SYCE1: variants seen among roughly 807,000 people sequenced by gnomAD.
SYCE1 encodes the protein cancer/testis antigen 76.
In SYCE1, 37 loss-of-function variants were observed where a neutral mutation model predicts 55.1. The observed-to-expected ratio is 0.67, with a 90% CI of 0.52 to 0.88. The LOEUF is 0.88. SYCE1 is among the 40% of genes least tolerant of loss of function. SYCE1 has a pLI of 0.00. For synonymous variants in SYCE1, 163 were observed against 159.4 expected, an observed-to-expected ratio of 1.02 and a Z score of -0.17; for missense variants, 399 against 416.4, an observed-to-expected ratio of 0.96 and a Z score of 0.36.
chr10:133,557,791 C>G, intron 6 of SYCE1, 73 bp downstream of exon 6: 3 of 1,542,068 alleles, frequency 1.9e-6, no homozygotes, highest in Non-Finnish European at 2.7e-6. Context: ...GTCTCAGATT[C>G]ATCTTCCTGC....
At chr10:133,564,219 G>A (rs1479039105) in intron 1 of SYCE1, among the ~76,000 whole-genome samples, 1 of 152,074 alleles carries the variant, frequency 6.6e-6, no homozygotes, top group African/African-American at 2.4e-5. Flanking sequence ...GAGGTCTGCA[G>A]CAACTTCCCC....
Position 133,555,096 on chromosome 10 carries a change from C to T in SYCE1, c.952G>A (p.Gly318Arg), listed in dbSNP as rs763510172. The T allele has an allele frequency of 3.9e-6, 6 of 1,551,104 alleles. No individual in the cohort carries two copies. Among genetic ancestry groups the T allele is most frequent in the Non-Finnish European group, 4.4e-6 (5 of 1,146,868 alleles). The stretch of plus-strand genomic sequence containing the variant: ...TCAGGCCCTGCTTGGTGTGCAGCTC[C>T]AGGTCTTTCTCCTTTTAGGGGCTTG... ...SPKPLKGERP[G>R]AAHQAGPDVL... Residue 318 changes from glycine (G) to arginine (R), a missense_variant, in exon 13 of 13, where the codon GGA becomes AGA. Coordinates refer to ENST00000343131, the MANE Select transcript of SYCE1 (RefSeq NM_001143764.3).
At chr10:133,557,370 G>A (rs1851711237) in intron 6 of SYCE1, 2 of 578,454 alleles carry the variant, frequency 3.5e-6, no homozygotes, top group Middle Eastern at 4.6e-4. Context: ...GGTTAAGTGA[G>A]CAAATGCACA....
Position 133,559,286 on chromosome 10 carries a change from G to A in SYCE1, c.196+15C>T, listed in dbSNP as rs773822910. ...GCAGCTGGTCCTAGCTGGCAGCCAA[G>A]GCCCCTGAACTCACCTTGCTGGACC... On this transcript the variant is annotated intron_variant, in intron 3 of 12. Transcript: ENST00000343131. 2 of 1,613,980 alleles carry A rather than the reference G, an allele frequency of 1.2e-6. No individual in the cohort carries two copies. The highest frequency in any genetic ancestry group is 2.2e-5 in the South Asian group (2 of 91,064).
intron 4 of SYCE1, chr10:133,558,534 A>G: frequency 1.9e-6 from 1 of 531,830 alleles, no homozygotes; most frequent in Non-Finnish European, 3.4e-6. Context: ...GCATGTGACC[A>G]GATGGAGGCA....
intron 2 of SYCE1, chr10:133,559,799 G>C: frequency 2.2e-6 from 1 of 459,524 alleles, no homozygotes; most frequent in Non-Finnish European, 3.9e-6. Context: ...GGGGAAGGAA[G>C]GGAAGTGAAG....
At chr10:133,554,480 A>AT, downstream of SYCE1, 1 of 756,738 alleles carries the variant, frequency 1.3e-6, no homozygotes. Flanking sequence ...ATCCTAGTTG[A>AT]TTGACTCCCT....
At position 133,559,330 on chromosome 10, in the gene SYCE1, A is replaced by G. The variant is rs757479729; in HGVS notation, c.167T>C (p.Leu56Pro). ...CTGGACCTCATTAATCCGGTTAATC[A>G]GGACCTCAACTCGGGGCTCTAGGCT... is the stretch of plus-strand genomic sequence containing the variant. ...VGSLEPRVEV[L>P]INRINEVQQA... is the part of the protein sequence containing the mutation. Residue 56 changes from leucine (L) to proline (P), a missense_variant, in exon 3 of 13, where the codon CTG (leucine) becomes CCG (proline). By Grantham distance (98) the Leu-to-Pro change is moderately conservative. Coordinates refer to ENST00000343131, the MANE Select transcript of SYCE1 (RefSeq NM_001143764.3). 2 of 1,614,166 alleles carry G rather than the reference A, an allele frequency of 1.2e-6. No homozygotes were observed. The highest frequency in any genetic ancestry group is 3.3e-5 in the Admixed American group (2 of 60,026).
In SYCE1 at chr10:133,557,196, G is replaced by A. The variant is rs575256915; in HGVS notation, c.375-40C>T. 3.8e-6 allele frequency: 6 copies of A among 1,577,838 alleles called. No homozygotes were observed. In the South Asian group the frequency reaches 4.4e-5, roughly 12 times the overall value. On this transcript the variant is annotated intron_variant, in intron 6 of 12. Transcript: ENST00000343131. The stretch of plus-strand genomic sequence containing the variant: ...GCAGCCCTCAGCCATGTTCTCTTAA[G>A]CCCCAGGAGGGCACTGGGCTGGGGC...
chr10:133,566,364 A>T (rs1308609081), upstream of SYCE1, among the ~76,000 whole-genome samples: 1 of 152,226 alleles, frequency 6.6e-6, no homozygotes, highest in East Asian at 1.9e-4. Context: ...ATCCTAACCT[A>T]TAAAAGGTTA....
At chr10:133,558,414 C>T in intron 4 of SYCE1, 200 bp from the exon 5 acceptor site, 1 of 621,252 alleles carries the variant, frequency 1.6e-6, no homozygotes, top group Non-Finnish European at 2.8e-6. Context: ...CAGAGGGTGG[C>T]TGTGAGGGCC....
chr10:133,555,753 CCCA>C, intron 10 of SYCE1, 24 bp downstream of exon 10: 1 of 1,610,390 alleles, frequency 6.2e-7, no homozygotes, highest in Non-Finnish European at 8.5e-7. Flanking sequence ...ACTCCCTCCT[CCCA>C]CCCTCTTCCC....
In SYCE1 at chr10:133,555,603, C is replaced by T. The variant is rs774786390; in HGVS notation, c.824G>A (p.Arg275Gln). The T allele has an allele frequency of 2.1e-5, 34 of 1,604,858 alleles. No homozygotes were observed. Among genetic ancestry groups the T allele is most frequent in the East Asian group, 1.6e-4 (7 of 44,800 alleles). Residue 275 changes from arginine to glutamine, a missense_variant, in exon 11 of 13, where the codon CGG becomes CAG. Physicochemically the swap from Arg to Gln is conservative, Grantham distance 43. Coordinates refer to ENST00000343131, the MANE Select transcript of SYCE1 (RefSeq NM_001143764.3). ...ACAGGGCCTCCACACGCACCTCTGCCGCTTCTGCTGCTGTTGTTGGCACTT... is the reference window on the plus strand; with the variant it reads ...ACAGGGCCTCCACACGCACCTCTGCTGCTTCTGCTGCTGTTGTTGGCACTT... Reference protein sequence around the residue: ...QQKCQQQQQKRQRLKEELEKH... With the variant: ...QQKCQQQQQKQQRLKEELEKH...
At chr10:133,565,629 C>T (rs1213571815), upstream of SYCE1, 3 of 1,179,776 alleles carry the variant, frequency 2.5e-6, no homozygotes, top group Non-Finnish European at 3.6e-6. Context: ...CGCGCCTGCG[C>T]AATGCACTCC....
intron 3 of SYCE1, 137 bp downstream of exon 3, chr10:133,559,164 A>G (rs1851761774): frequency 9.8e-7 from 1 of 1,021,270 alleles, no homozygotes; most frequent in Admixed American, 2.0e-5. Context: ...AATGCCCTGT[A>G]CTTAATTTAA....
intron 7 of SYCE1, 91 bp from the exon 8 acceptor site, chr10:133,556,913 G>A: frequency 1.9e-6 from 3 of 1,557,422 alleles, no homozygotes; most frequent in Non-Finnish European, 1.8e-6. Flanking sequence ...GCAGATTTTG[G>A]GGTGCTTTGC....
upstream of SYCE1, among the ~76,000 whole-genome samples, chr10:133,565,908 G>A (rs986979435): frequency 6.6e-6 from 1 of 152,212 alleles, no homozygotes; most frequent in Non-Finnish European, 1.5e-5. Context: ...CGTGTCTGAC[G>A]GATGACGACT....
At position 133,562,960 on chromosome 10, in the gene SYCE1, C is replaced by T. The variant is rs1025047400; in HGVS notation, c.73+2497G>A. Among the ~76,000 whole-genome samples, 65 of 95,044 alleles carry T rather than the reference C, an allele frequency of 6.8e-4. 1 individual carries two copies. Among genetic ancestry groups the T allele is most frequent in the Non-Finnish European group, 1.6e-3 (61 of 37,122 alleles). The allele number at this position is 95,044 out of a possible 152,430, so 62.4% of individuals were successfully genotyped here. A position where few individuals can be genotyped will look rare whatever the true frequency, so the allele number is the denominator to read the frequency against. ...ATTTGGGTGAGGACACAGATCCAAA[C>T]CATATCACAGGCCAAGGCCAAGGCC... On this transcript the variant is annotated intron_variant, in intron 1 of 12. Coordinates refer to ENST00000343131, the MANE Select transcript of SYCE1 (RefSeq NM_001143764.3).
At position 133,558,936 on chromosome 10, in the gene SYCE1, T is replaced by C. The variant is rs1213378771; in HGVS notation, c.212A>G (p.Asn71Ser). ...GGTCCGGGCCTCTCCTAGGTCTTTA[T>C]TGGCTTTCTTTTTTGCTTCACCAAA... is the stretch of plus-strand genomic sequence containing the variant. Reference protein sequence around the residue: ...NEVQQAKKKANKDLGEARTIC... With the variant: ...NEVQQAKKKASKDLGEARTIC... Residue 71 changes from asparagine to serine, a missense_variant, in exon 4 of 13, where the codon AAT becomes AGT. By Grantham distance (46) the Asn-to-Ser change is conservative (BLOSUM62 1). Transcript: ENST00000343131. 2.1e-5 allele frequency: 34 copies of C among 1,611,356 alleles called. No individual in the cohort carries two copies. The highest frequency in any genetic ancestry group is 2.6e-5 in the Non-Finnish European group (31 of 1,179,452).
Sources: allele counts gnomAD v4.1 joint callset (sites outside exome capture counted in the v4.1 genomes callset), GRCh38; gene constraint gnomAD v4.1.1; transcripts MANE v1.5; gene names NCBI Gene and HGNC (gene_info 2026-07-23, HGNC 2026-07-21).